Variants in BNIP2 observed in about 807,000 individuals in gnomAD.
The protein encoded by BNIP2 is BCL2 interacting protein 2.
A neutral mutation model predicts 43.4 loss-of-function variants in BNIP2; 36 were observed. The observed-to-expected ratio is 0.83, with a 90% confidence interval of 0.64 to 1.10. The LOEUF (loss-of-function observed/expected upper bound fraction) is 1.10. Among genes scored for constraint, BNIP2 ranks in the 50% least tolerant of loss-of-function variants. BNIP2 has a pLI of 0.00. For synonymous variants in BNIP2, 146 were observed against 121.0 expected (o/e 1.21, Z -1.35); for missense variants, 417 against 374.1 (o/e 1.11, Z -0.95).
Position 59,668,877 on chromosome 15 carries a change from T to C in BNIP2, c.893+15A>G, listed in dbSNP as rs1286052550. The C allele has an allele frequency of 5.9e-5, 94 of 1,597,120 alleles. No homozygotes were observed. Among genetic ancestry groups the C allele is most frequent in the Non-Finnish European group, 7.9e-5 (92 of 1,167,022 alleles). ...TTAAGATCCAATACAATTAAGGAAA[T>C]AAAACAAAACATACTGTTTTATGCA... On this transcript the variant is annotated intron_variant, in intron 9 of 9. Coordinates refer to ENST00000607373, the MANE Select transcript of BNIP2 (RefSeq NM_004330.4).
In BNIP2 at chr15:59,662,870, C is replaced by T. The variant is rs923863818; in HGVS notation, c.*1199G>A. 4 of 152,220 alleles carry T rather than the reference C, an allele frequency of 2.6e-5. No individual in the cohort carries two copies. Among genetic ancestry groups the T allele is most frequent in the Middle Eastern group, 3.4e-3 (1 of 294 alleles). The allele number at this position is 152,220 out of a possible 1,614,324, so 9.4% of individuals were successfully genotyped here. A position where few individuals can be genotyped will look rare whatever the true frequency, so the allele number is the denominator to read the frequency against. On this transcript the variant is annotated 3_prime_UTR_variant, in exon 10 of 10. Transcript: ENST00000607373. ...GGTAATTAAACTTTTTGTTTGGAGG[C>T]ACAAACACAATTTATTTCAATGTAA...
rs571661328 is a variant in BNIP2 at position 59,668,995 on chromosome 15, G to A, written c.795-5C>T. 1 of 1,607,546 alleles carries A rather than the reference G, an allele frequency of 6.2e-7. No individual in the cohort carries two copies. Among genetic ancestry groups the A allele is most frequent in the Non-Finnish European group, 8.5e-7 (1 of 1,175,304 alleles). On this transcript the variant is annotated splice_region_variant and splice_polypyrimidine_tract_variant and intron_variant, in intron 8 of 9. Transcript: ENST00000607373. The stretch of plus-strand genomic sequence containing the variant: ...ATTTTTTGGCTGAATTTCGAGCTAT[G>A]GAAGAAAATAAAAATAATTACTTCC...
At chr15:59,668,781 C>T (rs6151565) in intron 9 of BNIP2, 111 bp downstream of exon 9, 539,797 of 947,306 alleles carry the variant, frequency 0.57, 160,202 homozygotes, top group Middle Eastern at 0.62. Flanking sequence ...CACGCGCGCG[C>T]GCGCACAGTT....
intron 9 of BNIP2, chr15:59,668,160 C>T: frequency 1.7e-6 from 2 of 1,196,338 alleles, no homozygotes; most frequent in Non-Finnish European, 2.2e-6. Context: ...AGAGTTATTT[C>T]AGTAAATATA....
chr15:59,672,805 C>A (rs1893019081), intron 5 of BNIP2, 66 bp from the exon 6 acceptor site: 7 of 1,092,228 alleles, frequency 6.4e-6, no homozygotes, highest in South Asian at 2.8e-5. Flanking sequence ...TAGAAGACAT[C>A]TGTATGATTA....
chr15:59,685,237 C>G (rs1893936203), intron 1 of BNIP2, among the ~76,000 whole-genome samples: 1 of 152,168 alleles, frequency 6.6e-6, no homozygotes, highest in Admixed American at 6.5e-5. Flanking sequence ...TGGTGGCTCA[C>G]ACCTGTAATC....
rs576843501 is a variant in BNIP2, at chr15:59,677,275, G to A, written c.472+636C>T. The stretch of plus-strand genomic sequence containing the variant: ...TGCTTGACTGAAGTATACAGGAGCT[G>A]CCAGGGGATCCTGGCACACCAGAAA... On this transcript the variant is annotated intron_variant, in intron 5 of 9. Transcript: ENST00000607373. 2.0e-3 allele frequency: 3,156 copies of A among 1,593,536 alleles called. 4 individuals are homozygous for A. The highest frequency in any genetic ancestry group is 2.5e-3 in the Non-Finnish European group (2,938 of 1,166,172).
Position 59,668,948 on chromosome 15 carries a change from T to C in BNIP2, c.837A>G (p.Ala279=). ...SQKIRYVFNL[A]ELAELVPMEY... ...CCATGGGGACAAGTTCTGCTAGTTC[T>C]GCCAAATTAAACACGTATCTAATTT... The change falls in exon 9 of 10, where the codon GCA becomes GCG. Residue 279 remains alanine (A), a synonymous_variant. Transcript: ENST00000607373. 1 of 1,613,762 alleles carries C rather than the reference T, an allele frequency of 6.2e-7. No individual in the cohort carries two copies. Among genetic ancestry groups the C allele is most frequent in the Non-Finnish European group, 8.5e-7 (1 of 1,179,772 alleles).
At chr15:59,677,379 A>T in intron 5 of BNIP2, 1 of 1,535,480 alleles carries the variant, frequency 6.5e-7, no homozygotes, top group Non-Finnish European at 8.8e-7. Flanking sequence ...TTAAGCCATA[A>T]GGGTTGGTTT....
intron 4 of BNIP2, among the ~76,000 whole-genome samples, chr15:59,679,092 C>T (rs1369435260): frequency 6.6e-6 from 1 of 152,028 alleles, no homozygotes; most frequent in African/African-American, 2.4e-5. Context: ...ATACTGTAGA[C>T]AATTTTGTAA....
chr15:59,675,545 G>A (rs560972220), intron 5 of BNIP2, among the ~76,000 whole-genome samples: 153 of 151,984 alleles, frequency 1.0e-3, no homozygotes, highest in Admixed American at 2.3e-3. Context: ...AGGAGGCAGA[G>A]GTTGCAGTGA....
rs546021364 is a variant in BNIP2, at chr15:59,670,156, G to A, written c.708-794C>T. ...CCATTAAAAAACATAAATACTGAGC[G>A]CTGTGGCTCATGCCTGTAATCCTAG... On this transcript the variant is annotated intron_variant, in intron 7 of 9. Transcript: ENST00000607373. 9.2e-5 allele frequency among the ~76,000 whole-genome samples: 14 copies of A among 152,314 alleles called. No individual in the cohort carries two copies. In the South Asian group the frequency reaches 1.2e-3, roughly 14 times the overall value.
chr15:59,667,758 A>G (rs1892650143), intron 9 of BNIP2, among the ~76,000 whole-genome samples: 2 of 152,258 alleles, frequency 1.3e-5, no homozygotes, highest in Non-Finnish European at 2.9e-5. Flanking sequence ...TTAGCGATTT[A>G]AAGAAAATGG....
Position 59,684,106 on chromosome 15 carries a change from G to C in BNIP2, c.-57-1592C>G, listed in dbSNP as rs6151468. ...ACAATGGAAATATCCTGAAGTGTTA[G>C]ATTTCACAAGGTAAACTAAATTTGT... On this transcript the variant is annotated intron_variant, in intron 1 of 9. Transcript: ENST00000607373. 5.4e-4 allele frequency among the ~76,000 whole-genome samples: 82 copies of C among 152,318 alleles called. 1 individual carries two copies. In the South Asian group the frequency reaches 0.016, roughly 30 times the overall value.
intron 7 of BNIP2, 29 bp downstream of exon 7, chr15:59,671,154 G>A: frequency 6.6e-7 from 1 of 1,519,422 alleles, no homozygotes; most frequent in Non-Finnish European, 8.8e-7. Context: ...AATTTTTTCA[G>A]ACTAGCTTTC....
At chr15:59,667,484 T>C (rs1892636040) in intron 9 of BNIP2, among the ~76,000 whole-genome samples, 1 of 152,226 alleles carries the variant, frequency 6.6e-6, no homozygotes, top group Non-Finnish European at 1.5e-5. Context: ...CAATAGATAA[T>C]AGTTTGTTAT....
At chr15:59,685,795 T>C (rs759502825) in intron 1 of BNIP2, among the ~76,000 whole-genome samples, 4 of 152,018 alleles carry the variant, frequency 2.6e-5, no homozygotes, top group Non-Finnish European at 5.9e-5. Context: ...ATTGAGGGAG[T>C]ACTGTTTCTT....
chr15:59,669,044 T>C, intron 8 of BNIP2, 54 bp from the exon 9 acceptor site: 1 of 1,406,506 alleles, frequency 7.1e-7, no homozygotes, highest in Non-Finnish European at 9.9e-7. Flanking sequence ...ATACAATGGA[T>C]ACAATGTTTA....
At chr15:59,688,020 T>A (rs1215349091) in intron 1 of BNIP2, among the ~76,000 whole-genome samples, 4 of 152,204 alleles carry the variant, frequency 2.6e-5, no homozygotes, top group African/African-American at 9.7e-5. Context: ...GGGCTTGTAA[T>A]GCCTGAAGAC....
Sources: gnomAD v4.1 joint callset for allele counts (sites outside exome capture counted in the v4.1 genomes callset) on GRCh38, gnomAD v4.1.1 for gene constraint, MANE v1.5 for transcripts, NCBI Gene and HGNC (gene_info 2026-07-23, HGNC 2026-07-21) for gene names.